The following LARGE1 variants were observed in gnomAD, a reference collection of about 807,000 sequenced individuals.
The protein encoded by LARGE1 is LARGE xylosyl- and glucuronyltransferase 1, also known as xylosyl- and glucuronyltransferase LARGE1.
A neutral mutation model predicts 87.6 loss-of-function variants in LARGE1; 43 were observed. The observed-to-expected ratio is 0.49, with a 90% confidence interval of 0.38 to 0.63. The LOEUF (loss-of-function observed/expected upper bound fraction) is 0.63. LARGE1 is among the 30% of genes least tolerant of loss of function. The pLI is 0.00. For synonymous variants in LARGE1, 434 were observed against 394.6 expected (o/e 1.10, Z -1.18); for missense variants, 802 against 1,000.2 (o/e 0.80, Z 2.67).
At chr22:33,226,526 T>C (rs914271506) in intron 11 of LARGE1, among the ~76,000 whole-genome samples, 1 of 152,154 alleles carries the variant, frequency 6.6e-6, no homozygotes, top group Non-Finnish European at 1.5e-5. Context: ...CACTGACCTC[T>C]AGCCATGAGG....
At chr22:33,692,307 AT>A (rs1246854173) in intron 2 of LARGE1, among the ~76,000 whole-genome samples, 1 of 93,200 alleles carries the variant, frequency 1.1e-5, no homozygotes, top group African/African-American at 3.0e-5. Context: ...TAACAGCAAC[AT>A]TTATTTTATT....
intron 2 of LARGE1, among the ~76,000 whole-genome samples, chr22:33,673,097 A>G (rs2081465014): frequency 6.6e-6 from 1 of 151,720 alleles, no homozygotes. Context: ...ACATGGTGAA[A>G]CCCCGTCTCT....
At chr22:33,252,959 A>C (rs899634119) in intron 11 of LARGE1, among the ~76,000 whole-genome samples, 5 of 152,232 alleles carry the variant, frequency 3.3e-5, no homozygotes, top group African/African-American at 1.2e-4. Context: ...TCTTTCTCTC[A>C]GCAATTTGGA....
At chr22:33,507,795 ATC>A (rs1169622990) in intron 6 of LARGE1, among the ~76,000 whole-genome samples, 3 of 152,170 alleles carry the variant, frequency 2.0e-5, no homozygotes, top group Non-Finnish European at 4.4e-5. Flanking sequence ...CCCTCTTCTC[ATC>A]TATGGAAGTT....
intron 9 of LARGE1, among the ~76,000 whole-genome samples, chr22:33,367,232 G>A (rs935382595): frequency 1.6e-4 from 25 of 151,944 alleles, no homozygotes; most frequent in Admixed American, 1.5e-3. Flanking sequence ...AAAACAATGA[G>A]AGAATGAGTA....
intron 6 of LARGE1, among the ~76,000 whole-genome samples, chr22:33,438,720 G>A (rs750726078): frequency 3.3e-5 from 5 of 152,152 alleles, no homozygotes; most frequent in African/African-American, 4.8e-5. Flanking sequence ...CTGAGCATTC[G>A]TCCATTGGGT....
chr22:33,193,201 G>C (rs1042374962), intron 11 of LARGE1, among the ~76,000 whole-genome samples: 1 of 152,020 alleles, frequency 6.6e-6, no homozygotes, highest in Non-Finnish European at 1.5e-5. Flanking sequence ...AAAAAGTATA[G>C]TTTAGTTAAT....
intron 7 of LARGE1, among the ~76,000 whole-genome samples, chr22:33,431,119 C>T (rs9609794): frequency 0.34 from 51,628 of 152,106 alleles, 9,359 homozygotes; most frequent in Non-Finnish European, 0.39. Flanking sequence ...TGGGATACCA[C>T]AGCAGTGGCA....
chr22:33,651,807 C>T (rs5754630), intron 2 of LARGE1, among the ~76,000 whole-genome samples: 7,593 of 152,236 alleles, frequency 0.05, 289 homozygotes, highest in East Asian at 0.16. Flanking sequence ...TCATGGTTTT[C>T]CCAGAAAAAC....
At chr22:33,399,908 A>G (rs1281531974) in intron 7 of LARGE1, among the ~76,000 whole-genome samples, 1 of 152,218 alleles carries the variant, frequency 6.6e-6, no homozygotes, top group Admixed American at 6.5e-5. Context: ...CAGTAAAGTA[A>G]TATCACTGTC....
At chr22:33,832,098 T>C (rs1477450088) in intron 1 of LARGE1, among the ~76,000 whole-genome samples, 1 of 152,204 alleles carries the variant, frequency 6.6e-6, no homozygotes, top group Non-Finnish European at 1.5e-5. Context: ...CTCTAGTCAG[T>C]GGCCCCTTTC....
the LARGE1 span, among the ~76,000 whole-genome samples, chr22:33,100,734 G>T: frequency 5.9e-5 from 9 of 152,146 alleles, no homozygotes; most frequent in Non-Finnish European, 1.3e-4. Context: ...ATCCGATGCT[G>T]CTGGTTCACT....
chr22:33,479,580 GC>G (rs2069222908), intron 6 of LARGE1, among the ~76,000 whole-genome samples: 3 of 152,132 alleles, frequency 2.0e-5, no homozygotes, highest in Admixed American at 6.5e-5. Flanking sequence ...GACTGAATAA[GC>G]CAAGCTACTA....
chr22:33,337,562 G>A, intron 10 of LARGE1, 84 bp downstream of exon 10: 1 of 1,534,170 alleles, frequency 6.5e-7, no homozygotes, highest in South Asian at 1.2e-5. Context: ...CCATGAGCCT[G>A]ACATAGAGCC....
At chr22:33,604,892 A>G (rs533124209) in intron 4 of LARGE1, among the ~76,000 whole-genome samples, 1 of 152,140 alleles carries the variant, frequency 6.6e-6, no homozygotes, top group East Asian at 2.0e-4. Flanking sequence ...CAATTTGGTC[A>G]ACCTTTATAT....
intron 11 of LARGE1, among the ~76,000 whole-genome samples, chr22:33,247,074 TGTGTG>T (rs1926799857): frequency 1.3e-5 from 2 of 151,842 alleles, no homozygotes; most frequent in East Asian, 3.9e-4. Context: ...TGTGTGTGTG[TGTGTG>T]TGTGTGTTGT....
chr22:33,687,643 G>A (rs554276609), intron 2 of LARGE1, among the ~76,000 whole-genome samples: 2 of 152,202 alleles, frequency 1.3e-5, no homozygotes, highest in East Asian at 3.9e-4. Flanking sequence ...ACCCCAGCAG[G>A]TGTTATTGAC....
intron 1 of LARGE1, among the ~76,000 whole-genome samples, chr22:33,835,607 T>C (rs184731673): frequency 2.0e-5 from 3 of 152,330 alleles, no homozygotes; most frequent in Admixed American, 2.0e-4. Context: ...TGCTAAAGAC[T>C]TGCTGGCACT....
intron 11 of LARGE1, among the ~76,000 whole-genome samples, chr22:33,248,689 T>C (rs1420719973): frequency 6.6e-6 from 1 of 152,206 alleles, no homozygotes; most frequent in Non-Finnish European, 1.5e-5. Context: ...GTATTTCCAC[T>C]GCTCTAAAAT....
Sources: allele counts gnomAD v4.1 joint callset (sites outside exome capture counted in the v4.1 genomes callset), GRCh38; gene constraint gnomAD v4.1.1; transcripts MANE v1.5; gene names NCBI Gene and HGNC (gene_info 2026-07-23, HGNC 2026-07-21).